Variants in TUBGCP2 observed in about 807,000 individuals in gnomAD.
TUBGCP2 encodes the protein gamma-tubulin complex component 2.
In TUBGCP2, 55 loss-of-function variants were observed where a neutral mutation model predicts 92.2. That is an observed-to-expected ratio of 0.60 (90% CI 0.48 to 0.75). The LOEUF (loss-of-function observed/expected upper bound fraction) is 0.75, where lower values mean the gene tolerates loss of function less well. Among genes scored for constraint, TUBGCP2 ranks in the 30% least tolerant of loss-of-function variants. The pLI, the probability that TUBGCP2 is intolerant of heterozygous loss-of-function variation, is 0.00. For missense variants in TUBGCP2, 1,093 were observed against 1,188.9 expected (o/e 0.92, Z 1.19); for synonymous variants, 533 against 505.2 (o/e 1.06, Z -0.74).
At chr10:133,312,059 A>G (rs1848002981), upstream of TUBGCP2, 3 of 1,475,898 alleles carry the variant, frequency 2.0e-6, no homozygotes, top group Non-Finnish European at 9.0e-7. Flanking sequence ...ATTGAAGCGC[A>G]GGAATGCCAA....
Position 133,281,270 on chromosome 10 carries a change from C to T in TUBGCP2, c.2573+3G>A. 1.9e-6 allele frequency: 3 copies of T among 1,610,018 alleles called. No individual in the cohort carries two copies. Among genetic ancestry groups the T allele is most frequent in the Non-Finnish European group, 2.5e-6 (3 of 1,179,750 alleles). On this transcript the variant is annotated splice_donor_region_variant and intron_variant, in intron 17 of 17. Transcript: ENST00000252936. Reference sequence around the variant, plus strand: ...GGGCTGAGCCGGGGTGGCGCCCACCCACCTGGAGATGACGCTGGCCATGCC... The same window carrying T: ...GGGCTGAGCCGGGGTGGCGCCCACCTACCTGGAGATGACGCTGGCCATGCC...
At chr10:133,299,220 G>A (rs1295486090) in intron 4 of TUBGCP2, among the ~76,000 whole-genome samples, 1 of 151,766 alleles carries the variant, frequency 6.6e-6, no homozygotes. Flanking sequence ...CAGAATTCTT[G>A]GTTAAAAAAA....
intron 7 of TUBGCP2, 42 bp downstream of exon 7, chr10:133,292,996 CT>C: frequency 6.3e-7 from 1 of 1,595,996 alleles, no homozygotes; most frequent in Non-Finnish European, 8.6e-7. Context: ...TGTTCAACAC[CT>C]GCCACCCACC....
chr10:133,289,158 T>C, intron 9 of TUBGCP2, 138 bp from the exon 10 acceptor site: 1 of 988,452 alleles, frequency 1.0e-6, no homozygotes, highest in Non-Finnish European at 1.5e-6. Context: ...CAGCTGTCTT[T>C]GTCTACACAG....
At position 133,279,045 on chromosome 10, in the gene TUBGCP2, A is replaced by T. The variant is rs1434044162; in HGVS notation, c.*721T>A. 1 of 152,330 alleles carries T rather than the reference A, an allele frequency of 6.6e-6. No homozygotes were observed. Among genetic ancestry groups the T allele is most frequent in the African/African-American group, 2.4e-5 (1 of 41,458 alleles). 9.4% of individuals were successfully genotyped at this position (152,330 alleles called of 1,614,324 possible). On this transcript the variant is annotated 3_prime_UTR_variant, in exon 18 of 18. Coordinates refer to ENST00000252936, the MANE Select transcript of TUBGCP2 (RefSeq NM_006659.4). ...CCCTGGAGGTGGGAAGACAGGGCAG[A>T]TGATCGCCCGAGGGGGATTGGGTGT... is the stretch of plus-strand genomic sequence containing the variant.
At position 133,283,144 on chromosome 10, in the gene TUBGCP2, G is replaced by A. The variant is rs774764690; in HGVS notation, c.2223C>T (p.Asn741=). ...DTCLKDCMLT[N]PELLKVFSKL... is the part of the protein sequence containing the mutation. The stretch of plus-strand genomic sequence containing the variant: ...TGGAGAAGACCTTCAGCAGCTCGGG[G>A]TTGGTGAGCATGCAGTCCTTCAGGC... Residue 741 remains asparagine, a synonymous_variant, in exon 15 of 18, where the codon AAC becomes AAT. Transcript: ENST00000252936. 6.2e-7 allele frequency: 1 copy of A among 1,614,280 alleles called. No individual in the cohort carries two copies. Among genetic ancestry groups the A allele is most frequent in the Non-Finnish European group, 8.5e-7 (1 of 1,180,058 alleles).
In TUBGCP2 at chr10:133,302,387, G is replaced by A. The variant is rs41313483; in HGVS notation, c.150+405C>T. ...CGCACAGCCCTGCACCAGAGGTGGC[G>A]CTCACCCTGCACCCTGCACCAGAGG... On this transcript the variant is annotated intron_variant, in intron 2 of 17. Coordinates refer to ENST00000252936, the MANE Select transcript of TUBGCP2 (RefSeq NM_006659.4). The A allele has an allele frequency of 2.6e-3, 608 of 230,610 alleles. 2 individuals carry two copies. The highest frequency in any genetic ancestry group is 3.8e-3 in the Non-Finnish European group (437 of 116,096). The allele number at this position is 230,610 out of a possible 1,614,324, so 14.3% of individuals were successfully genotyped here. A position where few individuals can be genotyped will look rare whatever the true frequency, so the allele number is the denominator to read the frequency against.
intron 2 of TUBGCP2, among the ~76,000 whole-genome samples, chr10:133,300,865 C>T (rs973940689): frequency 6.6e-6 from 1 of 152,192 alleles, no homozygotes; most frequent in Non-Finnish European, 1.5e-5. Flanking sequence ...CACTGTATTC[C>T]CTTTTATGCT....
At chr10:133,305,972 C>A (rs1847808228) in intron 1 of TUBGCP2, among the ~76,000 whole-genome samples, 1 of 152,222 alleles carries the variant, frequency 6.6e-6, no homozygotes. Context: ...AAAGGGGAAG[C>A]CCTAGGTCCT....
At chr10:133,312,012 A>G (rs1848001441), upstream of TUBGCP2, 9 of 1,581,380 alleles carry the variant, frequency 5.7e-6, no homozygotes, top group Non-Finnish European at 7.7e-6. Flanking sequence ...GGTCCTGTGA[A>G]TAACTTAGTT....
intron 2 of TUBGCP2, 82 bp downstream of exon 2, chr10:133,302,710 C>G: frequency 6.4e-7 from 1 of 1,573,448 alleles, no homozygotes; most frequent in South Asian, 1.1e-5. Context: ...GCACCCTGAC[C>G]CAGGGGTGGG....
chr10:133,289,115 G>T, intron 9 of TUBGCP2, 95 bp from the exon 10 acceptor site: 1 of 1,382,642 alleles, frequency 7.2e-7, no homozygotes, highest in South Asian at 1.3e-5. Context: ...AATGGACATT[G>T]AATGGGCTCT....
chr10:133,304,686 T>G (rs1298182497), intron 1 of TUBGCP2, among the ~76,000 whole-genome samples: 1 of 152,222 alleles, frequency 6.6e-6, no homozygotes, highest in African/African-American at 2.4e-5. Flanking sequence ...TTATGCTAGA[T>G]CTAGATCATA....
At chr10:133,308,942 T>A (rs1183073435), upstream of TUBGCP2, 1 of 1,227,092 alleles carries the variant, frequency 8.1e-7, no homozygotes, top group South Asian at 4.1e-5. Context: ...GCGCCCGGGG[T>A]GATGCAGTTG....
chr10:133,294,460 C>T (rs578216717), intron 5 of TUBGCP2, among the ~76,000 whole-genome samples: 6 of 152,366 alleles, frequency 3.9e-5, no homozygotes, highest in Admixed American at 3.3e-4. Context: ...CTCCGTACAA[C>T]AGGCTTTCGG....
upstream of TUBGCP2, chr10:133,310,032 A>T: frequency 1.2e-6 from 2 of 1,609,418 alleles, no homozygotes; most frequent in Non-Finnish European, 1.7e-6. Context: ...ATGGGCTCAG[A>T]GTGCTGCCCC....
intron 3 of TUBGCP2, among the ~76,000 whole-genome samples, 180 bp downstream of exon 3, chr10:133,299,805 C>T (rs528336171): frequency 6.6e-6 from 1 of 152,328 alleles, no homozygotes; most frequent in Admixed American, 6.5e-5. Flanking sequence ...CTCATGTTTA[C>T]ACCCAACATG....
chr10:133,300,772 C>T (rs890645804), intron 2 of TUBGCP2, among the ~76,000 whole-genome samples: 1 of 152,220 alleles, frequency 6.6e-6, no homozygotes, highest in South Asian at 2.1e-4. Context: ...CTGCGCCCGC[C>T]CTTTTATGCT....
Position 133,293,558 on chromosome 10 carries a change from C to G in TUBGCP2, c.824+4G>C. 1 of 1,551,010 alleles carries G rather than the reference C, an allele frequency of 6.4e-7. No individual in the cohort carries two copies. Among genetic ancestry groups the G allele is most frequent in the Non-Finnish European group, 8.7e-7 (1 of 1,147,006 alleles). Reference sequence around the variant, plus strand: ...GGCTCCCAGGGACCGCGCCCGGTGCCCACCTGGTCACAGCGGAGTAGCTGG... The same window carrying G: ...GGCTCCCAGGGACCGCGCCCGGTGCGCACCTGGTCACAGCGGAGTAGCTGG... On this transcript the variant is annotated splice_donor_region_variant and intron_variant, in intron 6 of 17. Transcript: ENST00000252936.
Sources: allele counts gnomAD v4.1 joint callset (sites outside exome capture counted in the v4.1 genomes callset), GRCh38; gene constraint gnomAD v4.1.1; transcripts MANE v1.5; gene names NCBI Gene and HGNC (gene_info 2026-07-23, HGNC 2026-07-21).